Variants in CCR6 observed in about 807,000 individuals in gnomAD.
CCR6 encodes the protein C-C chemokine receptor type 6.
Under a neutral mutation model 3.0 loss-of-function variants are expected in CCR6, and 2 were observed. The ratio of observed to expected loss-of-function variants is 0.66; its 90% CI spans 0.27 to 2.07. The LOEUF (loss-of-function observed/expected upper bound fraction) is 2.07, where lower values mean the gene tolerates loss of function less well. Among genes scored for constraint, CCR6 ranks in the 30% most tolerant of loss-of-function variants. The pLI, the probability that CCR6 is intolerant of heterozygous loss-of-function variation, is 0.14. For synonymous variants in CCR6, 193 were observed against 184.3 expected (o/e 1.05, Z -0.38); for missense variants, 322 against 462.8 (o/e 0.70, Z 2.79).
rs1781875443 is a variant in CCR6 at position 167,137,991 on chromosome 6, G to A, written c.*636G>A. On this transcript the variant is annotated 3_prime_UTR_variant, in exon 3 of 3. Transcript: ENST00000341935. This position sits in a 1 kb window ranked among gnomAD's most constrained non-coding sequence, Gnocchi z 4.6. ...AGAAGGGGACAATGGCAGAACAGGT[G>A]TTGGTGACAATTGTCACCAATTGGA... The A allele has an allele frequency of 6.5e-6, 1 of 152,692 alleles. No homozygotes were observed. The highest frequency in any genetic ancestry group is 6.5e-5 in the Admixed American group (1 of 15,324). The allele number at this position is 152,692 out of a possible 1,614,324, so 9.5% of individuals were successfully genotyped here.
chr6:167,133,219 T>A (rs940792582), intron 1 of CCR6, among the ~76,000 whole-genome samples: 9 of 152,228 alleles, frequency 5.9e-5, no homozygotes, highest in Non-Finnish European at 1.2e-4. Context: ...TTTTCTCCCA[T>A]TTTTCCTTCT....
chr6:167,122,127 G>C (rs1781598494), upstream of CCR6, among the ~76,000 whole-genome samples: 1 of 152,204 alleles, frequency 6.6e-6, no homozygotes, highest in South Asian at 2.1e-4. The surrounding 1 kb of genome is among the most constrained non-coding windows in gnomAD (Gnocchi z 4.2). Flanking sequence ...AGATAGAGCA[G>C]AGCTGGGCAG....
intron 1 of CCR6, among the ~76,000 whole-genome samples, chr6:167,132,156 C>A (rs1781778561): frequency 1.3e-5 from 2 of 152,286 alleles, no homozygotes; most frequent in Admixed American, 6.5e-5. Flanking sequence ...ATGCATTAGT[C>A]GCCCGTTCCT....
chr6:167,137,964 G>A lies in CCR6; in HGVS notation c.*609G>A, dbSNP rs3093006. On this transcript the variant is annotated 3_prime_UTR_variant, in exon 3 of 3. Transcript: ENST00000341935. This position sits in a 1 kb window ranked among gnomAD's most constrained non-coding sequence, Gnocchi z 4.6. ...TGTTCACAACCTGGAAGTGCTTCGGGAAGAAGGGGACAATGGCAGAACAGG... is the reference window on the plus strand; with the variant it reads ...TGTTCACAACCTGGAAGTGCTTCGGAAAGAAGGGGACAATGGCAGAACAGG... 0.088 allele frequency: 13,434 copies of A among 153,012 alleles called. 856 individuals carry two copies. The highest frequency in any genetic ancestry group is 0.18 in the Middle Eastern group (52 of 294). 9.5% of individuals were successfully genotyped at this position (153,012 alleles called of 1,614,324 possible). A position where few individuals can be genotyped will look rare whatever the true frequency, so the allele number is the denominator to read the frequency against.
rs770791820 is a variant in CCR6 at position 167,137,590 on chromosome 6, A to G, written c.*235A>G. 1.4e-5 allele frequency: 6 copies of G among 423,866 alleles called. No individual in the cohort carries two copies. Among genetic ancestry groups the G allele is most frequent in the Non-Finnish European group, 2.5e-5 (6 of 238,354 alleles). 26.3% of individuals were successfully genotyped at this position (423,866 alleles called of 1,614,324 possible). A position where few individuals can be genotyped will look rare whatever the true frequency, so the allele number is the denominator to read the frequency against. ...GGAATGTTTTGTAGCTCTAGGGTAT[A>G]TATCCGCCTGGCATTTCACAAAACA... On this transcript the variant is annotated 3_prime_UTR_variant, in exon 3 of 3. Coordinates refer to ENST00000341935, the MANE Select transcript of CCR6 (RefSeq NM_031409.4). This position sits in a 1 kb window ranked among gnomAD's most constrained non-coding sequence, Gnocchi z 4.6.
intron 1 of CCR6, among the ~76,000 whole-genome samples, chr6:167,135,653 G>A (rs1355265456): frequency 1.3e-5 from 2 of 152,144 alleles, no homozygotes; most frequent in Admixed American, 6.6e-5. Context: ...TAAATTTTGC[G>A]TAAAGATTTT....
chr6:167,136,990 C>T lies in CCR6; in HGVS notation c.760C>T (p.Arg254Cys), dbSNP rs770240107. The change falls in exon 3 of 3, where the codon CGT becomes TGT. Residue 254 changes from arginine (R) to cysteine (C), a missense_variant. Arg to Cys is a radical substitution (Grantham distance 180, BLOSUM62 -3). Coordinates refer to ENST00000341935, the MANE Select transcript of CCR6 (RefSeq NM_031409.4). This position sits in a 1 kb window ranked among gnomAD's most constrained non-coding sequence, Gnocchi z 4.6. ...AQNSKRHKAIRVIIAVVLVFL... is the reference protein window; with the variant it reads ...AQNSKRHKAICVIIAVVLVFL... ...GAATTCTAAAAGGCACAAAGCCATCCGTGTAATCATAGCTGTGGTGCTTGT... is the reference window on the plus strand; with the variant it reads ...GAATTCTAAAAGGCACAAAGCCATCTGTGTAATCATAGCTGTGGTGCTTGT... 5.6e-6 allele frequency: 9 copies of T among 1,614,160 alleles called. No homozygotes were observed. Among genetic ancestry groups the T allele is most frequent in the South Asian group, 1.1e-5 (1 of 91,082 alleles).
chr6:167,137,127 T>C lies in CCR6; in HGVS notation c.897T>C (p.Thr299=). The change falls in exon 3 of 3, where the codon ACT becomes ACC. Residue 299 remains threonine, a synonymous_variant. Transcript: ENST00000341935. The surrounding 1 kb of genome is among the most constrained non-coding windows in gnomAD (Gnocchi z 4.6). The part of the protein sequence containing the change: ...QSEKLIGYTK[T]VTEVLAFLHC... ...AAAAGCTAATTGGCTATACGAAAACTGTCACAGAAGTCCTGGCTTTCCTGC... is the reference window on the plus strand; with the variant it reads ...AAAAGCTAATTGGCTATACGAAAACCGTCACAGAAGTCCTGGCTTTCCTGC... 1 of 1,614,172 alleles carries C rather than the reference T, an allele frequency of 6.2e-7. No homozygotes were observed. The highest frequency in any genetic ancestry group is 8.5e-7 in the Non-Finnish European group (1 of 1,180,024).
chr6:167,136,543 A>G lies in CCR6; in HGVS notation c.313A>G (p.Ser105Gly). The change falls in exon 3 of 3, where the codon AGT becomes GGT. Residue 105 changes from serine (S) to glycine (G), a missense_variant. Ser to Gly is a moderately conservative substitution (Grantham distance 56, BLOSUM62 0). Coordinates refer to ENST00000341935, the MANE Select transcript of CCR6 (RefSeq NM_031409.4). The surrounding 1 kb of genome is among the most constrained non-coding windows in gnomAD (Gnocchi z 4.6). ...TCTTACTCTCCCATTCTGGGCAGTGAGTCATGCCACCGGTGCGTGGGTTTT... is the reference window on the plus strand; with the variant it reads ...TCTTACTCTCCCATTCTGGGCAGTGGGTCATGCCACCGGTGCGTGGGTTTT... ...FVLTLPFWAV[S>G]HATGAWVFSN... 2 of 1,596,054 alleles carry G rather than the reference A, an allele frequency of 1.3e-6. No individual in the cohort carries two copies. The highest frequency in any genetic ancestry group is 1.1e-5 in the South Asian group (1 of 87,470).
rs1781847618 is a variant in CCR6 at position 167,136,209 on chromosome 6, G to A, written c.10-31G>A. 6.2e-7 allele frequency: 1 copy of A among 1,609,602 alleles called. No individual in the cohort carries two copies. Among genetic ancestry groups the A allele is most frequent in the East Asian group, 2.2e-5 (1 of 44,842 alleles). On this transcript the variant is annotated intron_variant, in intron 2 of 2. Transcript: ENST00000341935. The surrounding 1 kb of genome is among the most constrained non-coding windows in gnomAD (Gnocchi z 4.6). Reference sequence around the variant, plus strand: ...ACTGTGGCTACTTGAACACTACACTGCAGCTAACTCTATCTTTGTTTCCTT... The same window carrying A: ...ACTGTGGCTACTTGAACACTACACTACAGCTAACTCTATCTTTGTTTCCTT...
rs915063086 is a variant in CCR6 at position 167,132,763 on chromosome 6, A to C, written c.-97-3275A>C. Among the ~76,000 whole-genome samples the C allele has an allele frequency of 6.6e-5, 10 of 152,052 alleles. 1 individual carries two copies. The highest frequency in any genetic ancestry group is 6.6e-4 in the Admixed American group (10 of 15,258). ...ACCATGTTGGCCAGGATGGTCTCGA[A>C]CTCCTGGACTTAAGTGGTCCGTCTG... On this transcript the variant is annotated intron_variant, in intron 1 of 2. Transcript: ENST00000341935.
At chr6:167,113,882 C>T (rs768990394) in intron 1 of CCR6, among the ~76,000 whole-genome samples, 1 of 150,368 alleles carries the variant, frequency 6.7e-6, no homozygotes, top group African/African-American at 2.4e-5. Context: ...TAAAGCACTC[C>T]TATTTTGGGG....
At chr6:167,124,265 G>GAAAAAA (rs1554281749) in intron 1 of CCR6, among the ~76,000 whole-genome samples, 77 of 135,652 alleles carry the variant, frequency 5.7e-4, no homozygotes, top group African/African-American at 2.0e-3. Context: ...TAAAGGAACT[G>GAAAAAA]AAAAAAAAAA....
At chr6:167,124,388 C>A (rs113085122) in intron 1 of CCR6, among the ~76,000 whole-genome samples, 2,622 of 152,040 alleles carry the variant, frequency 0.017, 41 homozygotes, top group South Asian at 0.065. Context: ...AGGAAGCCAG[C>A]CTAGAGTTTC....
intron 1 of CCR6, among the ~76,000 whole-genome samples, chr6:167,130,990 C>CCCCCCTCCCTCTGGGA (rs1781751948): frequency 9.2e-6 from 1 of 109,276 alleles, no homozygotes; most frequent in South Asian, 3.1e-4. Flanking sequence ...TCCCTCTGGA[C>CCCCCCTCCCTCTGGGA]CCCCTCCCTT....
chr6:167,131,937 T>G (rs559273490), intron 1 of CCR6, among the ~76,000 whole-genome samples: 1 of 152,188 alleles, frequency 6.6e-6, no homozygotes, highest in East Asian at 1.9e-4. Flanking sequence ...ACAATCAGGA[T>G]AGAGGACATT....
rs879208011 is a variant in CCR6 at position 167,136,468 on chromosome 6, A to C, written c.238A>C (p.Met80Leu). 2 of 1,603,286 alleles carry C rather than the reference A, an allele frequency of 1.2e-6. No individual in the cohort carries two copies. The highest frequency in any genetic ancestry group is 1.1e-5 in the South Asian group (1 of 88,944). Reference sequence around the variant, plus strand: ...TGCTTTTTATAAGAAGGCCAGGTCTATGACAGACGTCTATCTCTTGAACAT... The same window carrying C: ...TGCTTTTTATAAGAAGGCCAGGTCTCTGACAGACGTCTATCTCTTGAACAT... ...TFAFYKKARS[M>L]TDVYLLNMAI... Residue 80 changes from methionine to leucine, a missense_variant, in exon 3 of 3, where the codon ATG becomes CTG. By Grantham distance (15) the Met-to-Leu change is conservative (BLOSUM62 2). Coordinates refer to ENST00000341935, the MANE Select transcript of CCR6 (RefSeq NM_031409.4). The surrounding 1 kb of genome is among the most constrained non-coding windows in gnomAD (Gnocchi z 4.6).
rs751102128 is a variant in CCR6 at position 167,136,568 on chromosome 6, T to C, written c.338T>C (p.Phe113Ser). ...AVSHATGAWV[F>S]SNATCKLLKG... ...AGTCATGCCACCGGTGCGTGGGTTT[T>C]CAGCAATGCCACGTGCAAGTTGCTA... Residue 113 changes from phenylalanine to serine, a missense_variant, in exon 3 of 3, where the codon TTC (phenylalanine) becomes TCC (serine). By Grantham distance (155) the Phe-to-Ser change is radical. Coordinates refer to ENST00000341935, the MANE Select transcript of CCR6 (RefSeq NM_031409.4). The surrounding 1 kb of genome is among the most constrained non-coding windows in gnomAD (Gnocchi z 4.6). The C allele has an allele frequency of 6.2e-7, 1 of 1,606,946 alleles. No homozygotes were observed. The highest frequency in any genetic ancestry group is 1.7e-5 in the Admixed American group (1 of 59,770).
chr6:167,114,648 G>T (rs537109826), intron 1 of CCR6, among the ~76,000 whole-genome samples: 1 of 152,218 alleles, frequency 6.6e-6, no homozygotes, highest in Non-Finnish European at 1.5e-5. Context: ...CTGCTGTGAC[G>T]GCTGCTGTAA....
Sources: gnomAD v4.1 joint callset for allele counts (sites outside exome capture counted in the v4.1 genomes callset) on GRCh38, gnomAD v4.1.1 for gene constraint, Gnocchi (gnomAD v3.1) non-coding constraint, MANE v1.5 for transcripts, NCBI Gene and HGNC (gene_info 2026-07-23, HGNC 2026-07-21) for gene names.